PCSK2: variants seen among roughly 807,000 people sequenced by gnomAD.
The protein encoded by PCSK2 is neuroendocrine convertase 2.
PCSK2 carries 14 observed loss-of-function variants against 69.7 expected under a neutral mutation model. The observed-to-expected ratio is 0.20, with a 90% CI of 0.13 to 0.31. PCSK2 has a LOEUF of 0.31. Among genes scored for constraint, PCSK2 ranks in the 10% least tolerant of loss-of-function variants. PCSK2 has a pLI of 1.00. For missense variants in PCSK2, 544 were observed against 842.5 expected (o/e 0.65, Z 4.39); for synonymous variants, 307 against 320.7 (o/e 0.96, Z 0.46).
intron 2 of PCSK2, among the ~76,000 whole-genome samples, chr20:17,340,039 T>C (rs576555200): frequency 6.6e-6 from 1 of 152,358 alleles, no homozygotes; most frequent in South Asian, 2.1e-4. Context: ...TCTCTGGCTA[T>C]AAATTCCTAA....
chr20:17,372,933 A>T (rs748420308), intron 5 of PCSK2, among the ~76,000 whole-genome samples: 4 of 152,196 alleles, frequency 2.6e-5, no homozygotes, highest in Non-Finnish European at 5.9e-5. Context: ...CAGCAAATAG[A>T]GTAGACCAGC....
chr20:17,469,560 A>G (rs1276990947), intron 11 of PCSK2, among the ~76,000 whole-genome samples: 4 of 152,058 alleles, frequency 2.6e-5, no homozygotes, highest in Non-Finnish European at 4.4e-5. Flanking sequence ...AAAAAAAAAA[A>G]TGTGCTCAGA....
At chr20:17,258,744 C>T (rs1376718863) in intron 1 of PCSK2, among the ~76,000 whole-genome samples, 1 of 148,030 alleles carries the variant, frequency 6.8e-6, no homozygotes, top group Middle Eastern at 3.2e-3. Flanking sequence ...AGAGAAGAAC[C>T]ACTTTGCATA....
chr20:17,442,234 T>C (rs1021511270), intron 8 of PCSK2, among the ~76,000 whole-genome samples: 1 of 151,634 alleles, frequency 6.6e-6, no homozygotes, highest in Admixed American at 6.6e-5. Flanking sequence ...CCAGAACTTC[T>C]AGAGATGGAT....
At chr20:17,469,241 G>A (rs2033160603) in intron 11 of PCSK2, among the ~76,000 whole-genome samples, 1 of 152,252 alleles carries the variant, frequency 6.6e-6, no homozygotes. Context: ...GGCTGTAAAT[G>A]TGAGACTGGA....
intron 6 of PCSK2, among the ~76,000 whole-genome samples, chr20:17,422,995 G>A (rs184871645): frequency 1.3e-5 from 2 of 152,256 alleles, no homozygotes; most frequent in African/African-American, 4.8e-5. Flanking sequence ...GACCTAAATG[G>A]ATATAAATCT....
At chr20:17,344,144 T>C (rs1451947266) in intron 2 of PCSK2, among the ~76,000 whole-genome samples, 1 of 152,248 alleles carries the variant, frequency 6.6e-6, no homozygotes, top group Non-Finnish European at 1.5e-5. Flanking sequence ...ATCACCGTGC[T>C]GGGGCTCATT....
rs143512745 is a variant in PCSK2 at position 17,383,439 on chromosome 20, C to G, written c.543+14162C>G. Among the ~76,000 whole-genome samples the G allele has an allele frequency of 8.9e-4, 135 of 152,302 alleles. 1 individual carries two copies. The highest frequency in any genetic ancestry group is 1.6e-3 in the Non-Finnish European group (106 of 68,032). On this transcript the variant is annotated intron_variant, in intron 5 of 11. Transcript: ENST00000262545. Reference sequence around the variant, plus strand: ...GCTACAACCAAAAAACAGAAAGCCTCTCTATCCAAGACTGCCTTGTCCATC... The same window carrying G: ...GCTACAACCAAAAAACAGAAAGCCTGTCTATCCAAGACTGCCTTGTCCATC...
chr20:17,457,476 C>T (rs36120534), intron 10 of PCSK2, among the ~76,000 whole-genome samples: 23,911 of 152,150 alleles, frequency 0.16, 2,011 homozygotes, highest in Middle Eastern at 0.19. Context: ...ATTATCCTCC[C>T]TTTACAGATA....
intron 2 of PCSK2, among the ~76,000 whole-genome samples, chr20:17,265,450 C>T (rs1987562572): frequency 6.6e-6 from 1 of 151,880 alleles, no homozygotes; most frequent in African/African-American, 2.4e-5. Flanking sequence ...AATTTATCTT[C>T]CAAATGTTTT....
intron 7 of PCSK2, among the ~76,000 whole-genome samples, chr20:17,434,016 C>T (rs1223609696): frequency 1.4e-5 from 2 of 138,384 alleles, no homozygotes; most frequent in East Asian, 2.3e-4. Flanking sequence ...CTCTCTCTAC[C>T]TTCTCTCTCT....
At chr20:17,279,334 T>A (rs1361434641) in intron 2 of PCSK2, among the ~76,000 whole-genome samples, 1 of 152,154 alleles carries the variant, frequency 6.6e-6, no homozygotes, top group Non-Finnish European at 1.5e-5. Flanking sequence ...CATTGGGAGG[T>A]CAAGATCATT....
intron 11 of PCSK2, among the ~76,000 whole-genome samples, chr20:17,478,472 T>G (rs1183910584): frequency 2.0e-5 from 3 of 152,188 alleles, no homozygotes; most frequent in Non-Finnish European, 4.4e-5. Flanking sequence ...CCAGATTTAA[T>G]TCACCCTCAA....
chr20:17,459,621 G>A (rs1477377149), intron 10 of PCSK2, among the ~76,000 whole-genome samples: 2 of 152,202 alleles, frequency 1.3e-5, no homozygotes, highest in African/African-American at 2.4e-5. Flanking sequence ...TCTTATGGAT[G>A]TGCAGTGGAG....
chr20:17,276,509 G>T (rs1235306134), intron 2 of PCSK2, among the ~76,000 whole-genome samples: 1 of 150,422 alleles, frequency 6.6e-6, no homozygotes, highest in Non-Finnish European at 1.5e-5. Context: ...TCTGGCTTTT[G>T]AATATAGATG....
intron 1 of PCSK2, among the ~76,000 whole-genome samples, chr20:17,232,759 T>C (rs547740498): frequency 1.3e-5 from 2 of 152,304 alleles, no homozygotes; most frequent in East Asian, 3.9e-4. Flanking sequence ...TATCCCAAAG[T>C]TCTTTAGATC....
intron 2 of PCSK2, among the ~76,000 whole-genome samples, chr20:17,268,493 A>C (rs2036937821): frequency 6.6e-6 from 1 of 152,140 alleles, no homozygotes; most frequent in Admixed American, 6.6e-5. Context: ...ATTCATGTGG[A>C]TATCTGGAGA....
At chr20:17,255,535 G>A (rs911095664) in intron 1 of PCSK2, among the ~76,000 whole-genome samples, 2 of 152,092 alleles carry the variant, frequency 1.3e-5, no homozygotes, top group African/African-American at 2.4e-5. Flanking sequence ...TAGAGACGAG[G>A]TTTCACTATG....
At chr20:17,314,521 C>T (rs866602320) in intron 2 of PCSK2, among the ~76,000 whole-genome samples, 10 of 152,148 alleles carry the variant, frequency 6.6e-5, no homozygotes, top group African/African-American at 2.4e-4. Context: ...ACAGTTACTG[C>T]CTTGGATGTG....
Sources: allele counts gnomAD v4.1 joint callset (sites outside exome capture counted in the v4.1 genomes callset), GRCh38; gene constraint gnomAD v4.1.1; transcripts MANE v1.5; gene names NCBI Gene and HGNC (gene_info 2026-07-23, HGNC 2026-07-21).